Variants in UBAP2 observed in about 807,000 individuals in gnomAD.
The protein encoded by UBAP2 is ubiquitin associated protein 2, also known as ubiquitin-associated protein 2.
UBAP2 carries 75 observed loss-of-function variants against 139.6 expected under a neutral mutation model. That is an observed-to-expected ratio of 0.54 (90% confidence interval 0.45 to 0.65). The LOEUF (loss-of-function observed/expected upper bound fraction) is 0.65. Ranked by LOEUF, UBAP2 falls within the 30% of genes least tolerant of loss-of-function variation. The probability of loss-of-function intolerance (pLI) is 0.00; values close to 1 mark genes in which losing one functional copy is unlikely to be tolerated. For synonymous variants in UBAP2, 526 were observed against 526.2 expected, an observed-to-expected ratio of 1.00 and a Z score of 0.01; for missense variants, 1,368 against 1,369.6, an observed-to-expected ratio of 1.00 and a Z score of 0.02.
chr9:33,988,374 T>C (rs1283215924), intron 5 of UBAP2, among the ~76,000 whole-genome samples: 1 of 152,196 alleles, frequency 6.6e-6, no homozygotes, highest in Non-Finnish European at 1.5e-5. Context: ...ATAACTTAGC[T>C]ACACTGACAC....
rs781395903 is a variant in UBAP2, at chr9:33,998,824, T to C, written c.140A>G (p.Asp47Gly). The change falls in exon 3 of 29, where the codon GAT (aspartate) becomes GGT (glycine). Residue 47 changes from aspartate (D) to glycine (G), a missense_variant. Physicochemically the swap from Asp to Gly is moderately conservative, Grantham distance 94. Coordinates refer to ENST00000379238, the MANE Select transcript of UBAP2 (RefSeq NM_001370062.2). ...AGCTTCAAAATCTGAATCATTCTTA[T>C]CAAAGATCACTTGAGCGAGACGCAT... ...EQMRLAQVIF[D>G]KNDSDFEAKV... The C allele has an allele frequency of 6.2e-7, 1 of 1,612,418 alleles. No homozygotes were observed. The highest frequency in any genetic ancestry group is 1.6e-4 in the Middle Eastern group (1 of 6,062).
At chr9:34,027,928 A>T (rs1825553807) in intron 1 of UBAP2, among the ~76,000 whole-genome samples, 1 of 151,452 alleles carries the variant, frequency 6.6e-6, no homozygotes, top group South Asian at 2.1e-4. Flanking sequence ...CCACCAACAC[A>T]AAGTCTACAC....
chr9:34,010,343 G>A (rs1823639975), intron 2 of UBAP2, among the ~76,000 whole-genome samples: 1 of 146,816 alleles, frequency 6.8e-6, no homozygotes, highest in African/African-American at 2.5e-5. Flanking sequence ...AAAATCACTT[G>A]AACCTGGGAG....
At chr9:34,034,836 G>C (rs1023095363) in intron 1 of UBAP2, among the ~76,000 whole-genome samples, 4 of 151,788 alleles carry the variant, frequency 2.6e-5, no homozygotes. Context: ...TCACGCCACT[G>C]CACTCCAGCC....
At chr9:34,004,090 T>C (rs1414411169) in intron 2 of UBAP2, among the ~76,000 whole-genome samples, 1 of 152,082 alleles carries the variant, frequency 6.6e-6, no homozygotes, top group African/African-American at 2.4e-5. Flanking sequence ...CTACCAGTGT[T>C]AAAAGGAGTT....
chr9:33,949,633 G>C (rs1825931925), intron 12 of UBAP2, among the ~76,000 whole-genome samples: 2 of 152,180 alleles, frequency 1.3e-5, no homozygotes, highest in South Asian at 4.1e-4. Flanking sequence ...AACCCAGGAA[G>C]TGGAGGTTGC....
intron 9 of UBAP2, among the ~76,000 whole-genome samples, chr9:33,961,473 A>C (rs1006747904): frequency 6.6e-6 from 1 of 152,222 alleles, no homozygotes; most frequent in African/African-American, 2.4e-5. Context: ...GGATGCGCTC[A>C]AACAGTTCTT....
At chr9:34,029,793 G>A (rs1825731143) in intron 1 of UBAP2, among the ~76,000 whole-genome samples, 1 of 150,480 alleles carries the variant, frequency 6.6e-6, no homozygotes, top group African/African-American at 2.4e-5. Context: ...TTCGAGATCA[G>A]CCTGGCCAAC....
At chr9:34,042,705 G>A (rs1827207163) in intron 1 of UBAP2, among the ~76,000 whole-genome samples, 1 of 151,974 alleles carries the variant, frequency 6.6e-6, no homozygotes, top group Admixed American at 6.6e-5. Flanking sequence ...GAAATGCCTT[G>A]GGAGCTGGCA....
chr9:33,950,226 C>T (rs1825988768), intron 12 of UBAP2, among the ~76,000 whole-genome samples: 2 of 151,958 alleles, frequency 1.3e-5, no homozygotes, highest in African/African-American at 4.8e-5. Flanking sequence ...CCACCACGCC[C>T]GGCTTTTTTG....
At chr9:33,948,804 A>T (rs1329513831) in intron 12 of UBAP2, 5 of 467,632 alleles carry the variant, frequency 1.1e-5, no homozygotes, top group East Asian at 1.0e-4. Flanking sequence ...TGACATAAGA[A>T]GTTAAAGGGA....
Position 33,989,126 on chromosome 9 carries a change from T to G in UBAP2, c.289A>C (p.Thr97Pro), listed in dbSNP as rs756617740. 4.4e-6 allele frequency: 7 copies of G among 1,604,380 alleles called. No individual in the cohort carries two copies. The highest frequency in any genetic ancestry group is 5.9e-6 in the Non-Finnish European group (7 of 1,177,184). The change falls in exon 5 of 29, where the codon ACT becomes CCT. Residue 97 changes from threonine to proline, a missense_variant and splice_region_variant. Transcript: ENST00000379238. ...NILLEGNSDT[T>P]SWETVGCKKK... Reference sequence around the variant, plus strand: ...TTACACCCTACAGTCTCCCATGAAGTCTATCAGAGAGAACGGCTGTTAATC... The same window carrying G: ...TTACACCCTACAGTCTCCCATGAAGGCTATCAGAGAGAACGGCTGTTAATC...
intron 1 of UBAP2, among the ~76,000 whole-genome samples, chr9:34,026,586 C>T (rs983846773): frequency 2.0e-5 from 3 of 152,126 alleles, no homozygotes; most frequent in Non-Finnish European, 4.4e-5. Context: ...TATATGTCCA[C>T]TCATTCCCAA....
intron 19 of UBAP2, among the ~76,000 whole-genome samples, chr9:33,931,413 T>C (rs1185035957): frequency 1.3e-5 from 2 of 152,108 alleles, no homozygotes; most frequent in Admixed American, 6.6e-5. Flanking sequence ...TGGAGGTTTT[T>C]TTTTGAGGAG....
At chr9:33,981,142 GAT>G (rs1268832117) in intron 6 of UBAP2, among the ~76,000 whole-genome samples, 69 of 972 alleles carry the variant, frequency 0.071, 27 homozygotes, top group Non-Finnish European at 0.12. Context: ...ATATATTCTG[GAT>G]ATATATATAT....
chr9:33,978,548 G>A (rs1199464869), intron 6 of UBAP2, among the ~76,000 whole-genome samples: 5 of 152,038 alleles, frequency 3.3e-5, no homozygotes, highest in South Asian at 2.1e-4. Context: ...CAAGGCAGGC[G>A]GATCACGAGA....
rs184076710 is a variant in UBAP2, at chr9:33,975,097, G to A, written c.521-1860C>T. 1.6e-3 allele frequency among the ~76,000 whole-genome samples: 241 copies of A among 152,072 alleles called. 1 individual carries two copies. Among genetic ancestry groups the A allele is most frequent in the African/African-American group, 5.4e-3 (224 of 41,460 alleles). On this transcript the variant is annotated intron_variant, in intron 6 of 28. Transcript: ENST00000379238. ...ATAAAATACAATCCCATATTCATTC[G>A]GATGACTACTACCAAAATTAAAGTA... is the stretch of plus-strand genomic sequence containing the variant.
chr9:33,925,254 C>A (rs1204440945), intron 22 of UBAP2, among the ~76,000 whole-genome samples: 1 of 152,192 alleles, frequency 6.6e-6, no homozygotes, highest in African/African-American at 2.4e-5. Context: ...CTCCCGGAAA[C>A]CCATAGCAGC....
chr9:33,933,599 G>A lies in UBAP2; in HGVS notation c.1999C>T (p.Leu667Phe). Residue 667 changes from leucine (L) to phenylalanine (F), a missense_variant, in exon 18 of 29, where the codon CTC (leucine) becomes TTC (phenylalanine). By Grantham distance (22) the Leu-to-Phe change is conservative (BLOSUM62 0). Coordinates refer to ENST00000379238, the MANE Select transcript of UBAP2 (RefSeq NM_001370062.2). ...TPKTTGPPSA[L>F]PSVSSLPSTT... ...CTGGGCAGGGAGCTCACAGACGGGAGGGCAGAGGGAGGGCCTGTTGTCTTT... is the reference window on the plus strand; with the variant it reads ...CTGGGCAGGGAGCTCACAGACGGGAAGGCAGAGGGAGGGCCTGTTGTCTTT... 1.9e-6 allele frequency: 3 copies of A among 1,613,968 alleles called. No individual in the cohort carries two copies. Among genetic ancestry groups the A allele is most frequent in the Non-Finnish European group, 2.5e-6 (3 of 1,180,014 alleles).
Sources: allele counts gnomAD v4.1 joint callset (sites outside exome capture counted in the v4.1 genomes callset), GRCh38; gene constraint gnomAD v4.1.1; transcripts MANE v1.5; gene names NCBI Gene and HGNC (gene_info 2026-07-23, HGNC 2026-07-21).